The following OTP variants were observed in gnomAD, a reference collection of about 807,000 sequenced individuals.
OTP encodes orthopedia homeobox.
Under a neutral mutation model 22.3 loss-of-function variants are expected in OTP, and 5 were observed. The ratio of observed to expected loss-of-function variants is 0.22; its 90% CI spans 0.12 to 0.47. The LOEUF (loss-of-function observed/expected upper bound fraction) is 0.47. Ranked by LOEUF, OTP falls within the 20% of genes least tolerant of loss-of-function variation. The pLI is 0.99. For synonymous variants in OTP, 229 were observed against 210.6 expected (o/e 1.09, Z -0.76); for missense variants, 428 against 456.2 (o/e 0.94, Z 0.56).
chr5:77,636,690 C>G, intron 2 of OTP, 131 bp downstream of exon 2: 1 of 863,620 alleles, frequency 1.2e-6, no homozygotes, highest in South Asian at 1.7e-5. Flanking sequence ...GGAGATAACT[C>G]GATACAGGAA....
At chr5:77,631,537 C>T (rs527689600) in intron 2 of OTP, among the ~76,000 whole-genome samples, 2 of 150,040 alleles carry the variant, frequency 1.3e-5, no homozygotes, top group Non-Finnish European at 3.0e-5. Context: ...GCCCCAAGAG[C>T]CTTCAACCCT....
At position 77,636,752 on chromosome 5, in the gene OTP, C is replaced by A. The variant is rs1024912580; in HGVS notation, c.447+69G>T. 25 of 1,481,428 alleles carry A rather than the reference C, an allele frequency of 1.7e-5. No individual in the cohort carries two copies. In the Admixed American group the frequency reaches 4.2e-4, roughly 25 times the overall value. The allele number at this position is 1,481,428 out of a possible 1,614,324, so 91.8% of individuals were successfully genotyped here. A position where few individuals can be genotyped will look rare whatever the true frequency, so the allele number is the denominator to read the frequency against. On this transcript the variant is annotated intron_variant, in intron 2 of 2. Transcript: ENST00000306422. ...GGATCTCGACAGGGGAAGGGAAGAC[C>A]CTGCTCCCTTTGCCCAAATCCTCCC...
At chr5:77,637,443 G>C (rs964241543) in intron 1 of OTP, among the ~76,000 whole-genome samples, 3 of 152,194 alleles carry the variant, frequency 2.0e-5, no homozygotes, top group African/African-American at 4.8e-5. Flanking sequence ...CGCCGCAGCC[G>C]GCTCCCGTAG....
At chr5:77,636,535 C>T (rs1252227730) in intron 2 of OTP, 3 of 358,156 alleles carry the variant, frequency 8.4e-6, no homozygotes, top group Non-Finnish European at 1.0e-5. Flanking sequence ...GTTGCCTTCT[C>T]AGGCGGAGGA....
intron 1 of OTP, 39 bp from the exon 2 acceptor site, chr5:77,637,269 C>T: frequency 2.1e-6 from 3 of 1,460,454 alleles, no homozygotes; most frequent in Non-Finnish European, 1.8e-6. Context: ...ACTTTCTTGG[C>T]GATGCCAGGA....
intron 2 of OTP, among the ~76,000 whole-genome samples, chr5:77,631,228 T>A (rs1011518150): frequency 6.6e-6 from 1 of 152,256 alleles, no homozygotes; most frequent in African/African-American, 2.4e-5. Context: ...ACTGATGTGC[T>A]ATAGAATTTT....
chr5:77,631,690 G>A (rs976690771), intron 2 of OTP, among the ~76,000 whole-genome samples: 3 of 147,740 alleles, frequency 2.0e-5, no homozygotes, highest in Non-Finnish European at 4.4e-5. Context: ...TCAGCCTCCC[G>A]AGTAGCTAGG....
In OTP at chr5:77,637,202, G is replaced by T; in HGVS notation, c.66C>A (p.Gly22=). 6.5e-7 allele frequency: 1 copy of T among 1,537,842 alleles called. No individual in the cohort carries two copies. Among genetic ancestry groups the T allele is most frequent in the Non-Finnish European group, 8.7e-7 (1 of 1,143,900 alleles). ...GCCTACACTTCACCGCCTCCCGGTG[G>T]CCCAGAAGCTCGGCGGCATCTTTCA... ...LGMKDAAELL[G]HREAVKCRLG... is the part of the protein sequence containing the mutation. Residue 22 remains glycine, a synonymous_variant, in exon 2 of 3, where the codon GGC becomes GGA. Coordinates refer to ENST00000306422, the MANE Select transcript of OTP (RefSeq NM_032109.3).
chr5:77,638,505 G>T lies in OTP; in HGVS notation c.37+8C>A, dbSNP rs376551111. The T allele has an allele frequency of 1.3e-6, 2 of 1,572,860 alleles. No homozygotes were observed. Among genetic ancestry groups the T allele is most frequent in the Non-Finnish European group, 1.7e-6 (2 of 1,158,828 alleles). On this transcript the variant is annotated splice_region_variant and intron_variant, in intron 1 of 2. Transcript: ENST00000306422. The stretch of plus-strand genomic sequence containing the variant: ...TCCTGGCTGCCCGGGCGAGAGGCGC[G>T]CACTCACCTAGCCTGGCGTCCAGGA...
In OTP at chr5:77,630,203, A is replaced by T; in HGVS notation, c.*61T>A. On this transcript the variant is annotated 3_prime_UTR_variant, in exon 3 of 3. Transcript: ENST00000306422. ...CGCCGGGGTCCGGGTGCGCGCCGGA[A>T]GGGCCTCGGGGCGGCCCCCGGGGCG... The T allele has an allele frequency of 1.7e-6, 2 of 1,174,584 alleles. No homozygotes were observed. Among genetic ancestry groups the T allele is most frequent in the Admixed American group, 8.5e-5 (2 of 23,538 alleles). The allele number at this position is 1,174,584 out of a possible 1,614,324, so 72.8% of individuals were successfully genotyped here.
At chr5:77,630,833 A>G in intron 2 of OTP, 39 bp from the exon 3 acceptor site, 3 of 1,489,958 alleles carry the variant, frequency 2.0e-6, no homozygotes, top group Admixed American at 2.3e-5. Flanking sequence ...GGGAGCTATT[A>G]GCCGGCCCGG....
Position 77,637,164 on chromosome 5 carries a change from C to G in OTP, c.104G>C (p.Gly35Ala). The G allele has an allele frequency of 1.3e-6, 2 of 1,575,492 alleles. No homozygotes were observed. The highest frequency in any genetic ancestry group is 2.3e-5 in the East Asian group (1 of 43,346). Residue 35 changes from glycine to alanine, a missense_variant, in exon 2 of 3, where the codon GGC becomes GCC. By Grantham distance (60) the Gly-to-Ala change is moderately conservative. Around this residue, in one of 3 missense-constraint regions of OTP, gnomAD observed 176 missense variants for 162.9 expected, o/e 1.08. Transcript: ENST00000306422. ...EAVKCRLGVGGSDPGGHPGDL... is the reference protein window; with the variant it reads ...EAVKCRLGVGASDPGGHPGDL... ...CCCCGGATGGCCCCCGGGGTCGGAG[C>G]CCCCCACGCCCAGCCTACACTTCAC...
chr5:77,632,629 A>G (rs1342038382), intron 2 of OTP, among the ~76,000 whole-genome samples: 2 of 151,824 alleles, frequency 1.3e-5, no homozygotes, highest in Non-Finnish European at 2.9e-5. Context: ...GCAGTCTAGA[A>G]TACTCCCCCA....
In OTP at chr5:77,637,148, G is replaced by GC; in HGVS notation, c.119dup (p.His41ProfsTer10). 6.3e-7 allele frequency: 1 copy of GC among 1,594,320 alleles called. No homozygotes were observed. Among genetic ancestry groups the GC allele is most frequent in the Non-Finnish European group, 8.5e-7 (1 of 1,170,518 alleles). On this transcript the variant is annotated frameshift_variant, in exon 2 of 3. Coordinates refer to ENST00000306422, the MANE Select transcript of OTP (RefSeq NM_032109.3). LOFTEE classifies it high-confidence loss of function. ...AGTTGGGCGCCAGGTCCCCCGGATGGCCCCCGGGGTCGGAGCCCCCCACGC... is the reference window on the plus strand; with the variant it reads ...AGTTGGGCGCCAGGTCCCCCGGATGGCCCCCCGGGGTCGGAGCCCCCCACGC...
chr5:77,635,787 G>T (rs1744996802), intron 2 of OTP: 1 of 152,056 alleles, frequency 6.6e-6, no homozygotes, highest in African/African-American at 2.4e-5. Flanking sequence ...CGTCCAAGAC[G>T]GCAAAGGAAG....
chr5:77,636,450 G>A, intron 2 of OTP: 1 of 218,294 alleles, frequency 4.6e-6, no homozygotes, highest in South Asian at 1.4e-4. Flanking sequence ...AAACTCATTA[G>A]GGGGTAATAT....
chr5:77,636,546 G>A (rs1745010381), intron 2 of OTP: 8 of 379,372 alleles, frequency 2.1e-5, no homozygotes, highest in Non-Finnish European at 3.8e-5. Context: ...AGGCGGAGGA[G>A]GCGAACCCTG....
At chr5:77,638,484 G>A (rs1307218033) in intron 1 of OTP, 29 bp downstream of exon 1, 2 of 1,564,482 alleles carry the variant, frequency 1.3e-6, no homozygotes, top group African/African-American at 2.7e-5. Flanking sequence ...GGCTTCTCCT[G>A]GCTGCCCGGG....
At position 77,629,994 on chromosome 5, in the gene OTP, G is replaced by C. The variant is rs1316941337; in HGVS notation, c.*270C>G. 2 of 211,052 alleles carry C rather than the reference G, an allele frequency of 9.5e-6. No individual in the cohort carries two copies. The highest frequency in any genetic ancestry group is 4.7e-5 in the African/African-American group (2 of 42,986). 13.1% of individuals were successfully genotyped at this position (211,052 alleles called of 1,614,324 possible). ...AGGGTGGGCTGAGGCGCTGGAGACC[G>C]AGCCGAGGGCGCAGCTGGGTGGGAA... is the stretch of plus-strand genomic sequence containing the variant. On this transcript the variant is annotated 3_prime_UTR_variant, in exon 3 of 3. Coordinates refer to ENST00000306422, the MANE Select transcript of OTP (RefSeq NM_032109.3).
Sources: allele counts gnomAD v4.1 joint callset (sites outside exome capture counted in the v4.1 genomes callset), GRCh38; gene constraint gnomAD v4.1.1; regional missense constraint gnomAD v4.1.1; transcripts MANE v1.5; gene names NCBI Gene and HGNC (gene_info 2026-07-23, HGNC 2026-07-21).